LRGUK: variants seen among roughly 807,000 people sequenced by gnomAD.
LRGUK encodes the protein leucine rich repeats and guanylate kinase domain containing, also known as leucine-rich repeat and guanylate kinase domain-containing protein.
LRGUK carries 65 observed loss-of-function variants against 76.0 expected under a neutral mutation model. The observed-to-expected ratio is 0.85, with a 90% confidence interval of 0.70 to 1.05. The LOEUF (loss-of-function observed/expected upper bound fraction) is 1.05, where lower values mean the gene tolerates loss of function less well. Ranked by LOEUF, LRGUK falls within the 50% of genes least tolerant of loss-of-function variation. The pLI is 0.00. For synonymous variants in LRGUK, 268 were observed against 265.6 expected, an observed-to-expected ratio of 1.01 and a Z score of -0.09; for missense variants, 758 against 732.8, an observed-to-expected ratio of 1.03 and a Z score of -0.40.
exon 7 of LRGUK, chr7:134,163,415 A>G (rs567781108): frequency 6.2e-7 from 1 of 1,612,842 alleles, no homozygotes; most frequent in East Asian, 2.2e-5. Flanking sequence ...CCAGATTGAG[A>G]TGATCACAGG....
chr7:134,247,551 C>T lies in LRGUK; in HGVS notation c.1984-5C>T. The T allele has an allele frequency of 1.9e-6, 3 of 1,606,032 alleles. No individual in the cohort carries two copies. Among genetic ancestry groups the T allele is most frequent in the Non-Finnish European group, 1.7e-6 (2 of 1,174,172 alleles). ...TGCAATTTTCTAATGACATTTCTTA[C>T]CTAGGAAAGAGATTCTATACACAGA... is the stretch of plus-strand genomic sequence containing the variant. On this transcript the variant is annotated splice_region_variant and splice_polypyrimidine_tract_variant and intron_variant, in intron 16 of 19. Transcript: ENST00000285928.
intron 4 of LRGUK, among the ~76,000 whole-genome samples, 169 bp from the exon 5 acceptor site, chr7:134,148,061 CAAAAAAAA>C (rs10556613): frequency 8.1e-6 from 1 of 123,234 alleles, no homozygotes; most frequent in Non-Finnish European, 1.7e-5. Flanking sequence ...GACTCCTTTT[CAAAAAAAA>C]AAAAAAAAAA....
At chr7:134,265,582 T>C (rs1802840712), downstream of LRGUK, among the ~76,000 whole-genome samples, 1 of 152,156 alleles carries the variant, frequency 6.6e-6, no homozygotes, top group Admixed American at 6.5e-5. Flanking sequence ...TTTTAGACAA[T>C]AGCTGCACCA....
At chr7:134,222,551 T>G (rs1354269086) in intron 16 of LRGUK, among the ~76,000 whole-genome samples, 25 of 152,206 alleles carry the variant, frequency 1.6e-4, no homozygotes, top group Admixed American at 1.6e-3. Context: ...TTGTTTTGGT[T>G]GTCAATTCCT....
At chr7:134,257,810 CAAAA>C (rs374182050) in intron 18 of LRGUK, among the ~76,000 whole-genome samples, 1 of 142,208 alleles carries the variant, frequency 7.0e-6, no homozygotes, top group African/African-American at 2.5e-5. Context: ...TCTCCAAAAA[CAAAA>C]AAAAAAAGGA....
downstream of LRGUK, among the ~76,000 whole-genome samples, chr7:134,266,515 C>G (rs1190868076): frequency 6.6e-6 from 1 of 152,092 alleles, no homozygotes; most frequent in Non-Finnish European, 1.5e-5. Flanking sequence ...TTTTAAAACT[C>G]ATTGGATGGG....
At chr7:134,236,045 C>G (rs1727131814) in intron 16 of LRGUK, among the ~76,000 whole-genome samples, 1 of 152,110 alleles carries the variant, frequency 6.6e-6, no homozygotes, top group African/African-American at 2.4e-5. Context: ...AAGTCCCAAT[C>G]TTCTACCTCA....
At chr7:134,136,330 A>G (rs1488092383) in intron 1 of LRGUK, among the ~76,000 whole-genome samples, 1 of 152,186 alleles carries the variant, frequency 6.6e-6, no homozygotes, top group Non-Finnish European at 1.5e-5. Flanking sequence ...TCACCTTTTT[A>G]AAAATCTTAT....
At chr7:134,165,933 G>T (rs1357741393) in intron 7 of LRGUK, among the ~76,000 whole-genome samples, 1 of 152,084 alleles carries the variant, frequency 6.6e-6, no homozygotes, top group Non-Finnish European at 1.5e-5. Context: ...TGTTAAAGAG[G>T]CTCCATGAAA....
chr7:134,145,760 T>C (rs890241707), intron 4 of LRGUK, among the ~76,000 whole-genome samples: 3 of 152,204 alleles, frequency 2.0e-5, no homozygotes, highest in African/African-American at 7.2e-5. Flanking sequence ...CTTGAGAAGC[T>C]CCACTTCCTT....
chr7:134,222,752 G>A (rs1801633183), intron 16 of LRGUK, among the ~76,000 whole-genome samples: 1 of 152,046 alleles, frequency 6.6e-6, no homozygotes. Flanking sequence ...GGGATTACAG[G>A]CATGCGCCAC....
chr7:134,222,474 G>A (rs1801624913), intron 16 of LRGUK, among the ~76,000 whole-genome samples: 1 of 152,220 alleles, frequency 6.6e-6, no homozygotes, highest in South Asian at 2.1e-4. Context: ...TCATTTTTAT[G>A]TGATGATCTG....
intron 18 of LRGUK, among the ~76,000 whole-genome samples, chr7:134,257,498 A>T (rs1358737579): frequency 1.3e-5 from 2 of 152,162 alleles, no homozygotes; most frequent in African/African-American, 4.8e-5. Context: ...ATCATACCTG[A>T]ACATTATCCT....
chr7:134,194,008 T>C (rs1434226039), intron 12 of LRGUK, among the ~76,000 whole-genome samples: 5 of 152,010 alleles, frequency 3.3e-5, no homozygotes, highest in Non-Finnish European at 5.9e-5. Flanking sequence ...CCCACAGATA[T>C]GAGAACCCTT....
chr7:134,158,126 C>T (rs762183682), exon 6 of LRGUK: 1 of 1,612,830 alleles, frequency 6.2e-7, no homozygotes, highest in Non-Finnish European at 8.5e-7. Context: ...CAATTAATGG[C>T]TTAAACAAGT....
chr7:134,235,759 T>C (rs889582930), intron 16 of LRGUK, among the ~76,000 whole-genome samples: 1 of 152,150 alleles, frequency 6.6e-6, no homozygotes, highest in Non-Finnish European at 1.5e-5. Context: ...GGAAGTATAG[T>C]TTAGAGCACT....
rs57851664 is a variant in LRGUK, at chr7:134,257,572, G to A, written c.2199-685G>A. ...TGTAATCCCAGTACTTTCGGAGGCC[G>A]AGGCCGGCTGATCACCTGAGGTCAG... On this transcript the variant is annotated intron_variant, in intron 18 of 19. Transcript: ENST00000285928. Among the ~76,000 whole-genome samples the A allele has an allele frequency of 7.4e-4, 112 of 152,272 alleles. 2 individuals carry two copies. In the East Asian group the frequency reaches 0.019, roughly 26 times the overall value.
intron 19 of LRGUK, among the ~76,000 whole-genome samples, chr7:134,259,467 C>T (rs1453260471): frequency 6.6e-6 from 1 of 152,086 alleles, no homozygotes; most frequent in African/African-American, 2.4e-5. Flanking sequence ...GGATGTTTTG[C>T]CTGAACCCTG....
chr7:134,177,073 C>T lies in LRGUK; in HGVS notation c.1107+10C>T, dbSNP rs528450740. 2.6e-6 allele frequency: 4 copies of T among 1,516,974 alleles called. No homozygotes were observed. The highest frequency in any genetic ancestry group is 3.6e-6 in the Non-Finnish European group (4 of 1,099,528). The allele number at this position is 1,516,974 out of a possible 1,614,324, so 94.0% of individuals were successfully genotyped here. A position where few individuals can be genotyped will look rare whatever the true frequency, so the allele number is the denominator to read the frequency against. Reference sequence around the variant, plus strand: ...TAAAGTGGAAGAAAAGGTATGTAATCATGTCATAACATTACCATTGTGTTA... The same window carrying T: ...TAAAGTGGAAGAAAAGGTATGTAATTATGTCATAACATTACCATTGTGTTA... On this transcript the variant is annotated intron_variant, in intron 9 of 15. Coordinates refer to ENST00000645682, the Ensembl canonical transcript of LRGUK.
Sources: allele counts gnomAD v4.1 joint callset (sites outside exome capture counted in the v4.1 genomes callset), GRCh38; gene constraint gnomAD v4.1.1; transcripts MANE v1.5; gene names NCBI Gene and HGNC (gene_info 2026-07-23, HGNC 2026-07-21).